Variants in MARCHF6 observed in about 807,000 individuals in gnomAD.
MARCHF6 encodes the protein E3 ubiquitin-protein ligase MARCHF6.
In MARCHF6, 31 loss-of-function variants were observed where a neutral mutation model predicts 133.7. The observed-to-expected ratio is 0.23, with a 90% CI of 0.17 to 0.31. The LOEUF (loss-of-function observed/expected upper bound fraction) is 0.31. Among genes scored for constraint, MARCHF6 ranks in the 10% least tolerant of loss-of-function variants. MARCHF6 has a pLI of 1.00. For synonymous variants in MARCHF6, 395 were observed against 402.5 expected (o/e 0.98, Z 0.22); for missense variants, 723 against 1,121.6 (o/e 0.64, Z 5.08).
At chr5:10,380,093 A>G (rs990495767) in intron 3 of MARCHF6, among the ~76,000 whole-genome samples, 1 of 152,048 alleles carries the variant, frequency 6.6e-6, no homozygotes, top group African/African-American at 2.4e-5. Flanking sequence ...TATTTGAAGC[A>G]TAATTTTTCA....
Position 10,429,910 on chromosome 5 carries a change from C to G in MARCHF6, c.2524C>G (p.Gln842Glu). Reference protein sequence around the residue: ...VPLLGVTAEMQNLVHRRIYPF... With the variant: ...VPLLGVTAEMENLVHRRIYPF... ...TTTTCTAGGTGTTACTGCGGAAATG[C>G]AAAACTTAGTCCATCGGCGGATTTA... The change falls in exon 25 of 26, where the codon CAA becomes GAA. Residue 842 changes from glutamine (Q) to glutamate (E), a missense_variant. Gln to Glu is a conservative substitution (Grantham distance 29). Transcript: ENST00000274140. The G allele has an allele frequency of 6.2e-7, 1 of 1,612,496 alleles. No homozygotes were observed.
At chr5:10,393,869 G>A (rs1738020176) in intron 7 of MARCHF6, among the ~76,000 whole-genome samples, 1 of 151,894 alleles carries the variant, frequency 6.6e-6, no homozygotes, top group African/African-American at 2.4e-5. Context: ...TCTCAATCTA[G>A]GATTACCTTA....
intron 1 of MARCHF6, among the ~76,000 whole-genome samples, chr5:10,363,625 C>T (rs1735954379): frequency 6.6e-6 from 1 of 152,018 alleles, no homozygotes; most frequent in Non-Finnish European, 1.5e-5. Flanking sequence ...TTCATATACC[C>T]AAGAGAATTC....
intron 22 of MARCHF6, among the ~76,000 whole-genome samples, chr5:10,418,698 A>G (rs1739666969): frequency 1.3e-5 from 2 of 152,180 alleles, no homozygotes; most frequent in African/African-American, 4.8e-5. Flanking sequence ...CACAAACTTC[A>G]TTTACCCGAA....
intron 7 of MARCHF6, 115 bp downstream of exon 7, chr5:10,391,846 C>A: frequency 9.2e-7 from 1 of 1,090,168 alleles, no homozygotes; most frequent in Non-Finnish European, 1.2e-6. Context: ...CTATTTCTAA[C>A]TTATTTTTAC....
intron 15 of MARCHF6, among the ~76,000 whole-genome samples, chr5:10,405,325 T>C (rs1216949548): frequency 6.6e-6 from 1 of 152,138 alleles, no homozygotes; most frequent in Non-Finnish European, 1.5e-5. Context: ...TGTTTTTTTT[T>C]TCCCCCGCCC....
Position 10,378,772 on chromosome 5 carries a change from C to G in MARCHF6, c.130C>G (p.Leu44Val). ...TTATAATTACAGCTTAGTTCAATGG[C>G]TGAAACACAGTCGAAAAGAATACTG... ...FIHQECLVQW[L>V]KHSRKEYCEL... Residue 44 changes from leucine to valine, a missense_variant, in exon 3 of 26, where the codon CTG (leucine) becomes GTG (valine). By Grantham distance (32) the Leu-to-Val change is conservative. Around this residue, in one of 4 missense-constraint regions of MARCHF6, gnomAD observed 91 missense variants for 208.8 expected, o/e 0.44. Transcript: ENST00000274140. 6.2e-7 allele frequency: 1 copy of G among 1,605,350 alleles called. No individual in the cohort carries two copies. The highest frequency in any genetic ancestry group is 8.5e-7 in the Non-Finnish European group (1 of 1,173,776).
chr5:10,379,652 G>A (rs1436253542), intron 3 of MARCHF6, among the ~76,000 whole-genome samples: 1 of 151,960 alleles, frequency 6.6e-6, no homozygotes, highest in Non-Finnish European at 1.5e-5. Flanking sequence ...TAGTAGAGAC[G>A]GGGTTTCACC....
At chr5:10,404,307 A>T (rs1738748804) in intron 15 of MARCHF6, among the ~76,000 whole-genome samples, 1 of 152,080 alleles carries the variant, frequency 6.6e-6, no homozygotes, top group Non-Finnish European at 1.5e-5. Context: ...ACCTCAAATG[A>T]TCCACCCACC....
intron 20 of MARCHF6, 136 bp downstream of exon 20, chr5:10,414,638 G>T: frequency 1.6e-6 from 1 of 643,708 alleles, no homozygotes; most frequent in Non-Finnish European, 2.7e-6. Context: ...GAACTACTGG[G>T]CTCAAGCAAT....
rs1226708451 is a variant in MARCHF6, at chr5:10,435,635, ATAAC to A, written c.*1954_*1957del. On this transcript the variant is annotated 3_prime_UTR_variant, in exon 26 of 26. Transcript: ENST00000274140. ...ATTGAGCATATAACTATATAACTATATAACTATATATATATATATATATATATAT... is the reference window on the plus strand; with the variant it reads ...ATTGAGCATATAACTATATAACTATATATATATATATATATATATATATAT... 7.8e-3 allele frequency: 8 copies of A among 1,028 alleles called. 1 individual carries two copies. In the East Asian group the frequency reaches 0.2, roughly 26 times the overall value. The allele number at this position is 1,028 out of a possible 1,614,324, so 0.1% of individuals were successfully genotyped here.
rs1737755047 is a variant in MARCHF6 at position 10,390,433 on chromosome 5, G to C, written c.509G>C (p.Gly170Ala). ...TGGTTGAGAGAGCAGATAGTCCATG[G>C]GGGAGCACCAATTTGGTTGGAGCAT... ...LVWLREQIVH[G>A]GAPIWLEHAA... Residue 170 changes from glycine to alanine, a missense_variant, in exon 6 of 26, where the codon GGG becomes GCG. Coordinates refer to ENST00000274140, the MANE Select transcript of MARCHF6 (RefSeq NM_005885.4). The C allele has an allele frequency of 1.9e-6, 3 of 1,613,782 alleles. No individual in the cohort carries two copies. The highest frequency in any genetic ancestry group is 2.5e-6 in the Non-Finnish European group (3 of 1,179,998).
In MARCHF6 at chr5:10,368,448, C is replaced by T. The variant is rs535029162; in HGVS notation, c.20-9350C>T. Among the ~76,000 whole-genome samples the T allele has an allele frequency of 5.9e-5, 9 of 152,136 alleles. No homozygotes were observed. The South Asian group carries it at 6.2e-4, about 11-fold the overall frequency. ...AGGAGTTTGAGACCAGACTGGGCAA[C>T]GTGGTGATAGAGAGACCCTGCCTCT... On this transcript the variant is annotated intron_variant, in intron 1 of 25. Coordinates refer to ENST00000274140, the MANE Select transcript of MARCHF6 (RefSeq NM_005885.4).
rs910435212 is a variant in MARCHF6, at chr5:10,434,728, G to A, written c.*1044G>A. 24 of 152,560 alleles carry A rather than the reference G, an allele frequency of 1.6e-4. No homozygotes were observed. Among genetic ancestry groups the A allele is most frequent in the African/African-American group, 4.8e-4 (20 of 41,410 alleles). 9.5% of individuals were successfully genotyped at this position (152,560 alleles called of 1,614,324 possible). ...ATCTGGTCTCGCTGGTTAGTGCCTCGTTGGCTGAGGACTAGGTGTGCATTT... is the reference window on the plus strand; with the variant it reads ...ATCTGGTCTCGCTGGTTAGTGCCTCATTGGCTGAGGACTAGGTGTGCATTT... On this transcript the variant is annotated 3_prime_UTR_variant, in exon 26 of 26. Coordinates refer to ENST00000274140, the MANE Select transcript of MARCHF6 (RefSeq NM_005885.4).
intron 5 of MARCHF6, 29 bp downstream of exon 5, chr5:10,387,095 T>C: frequency 6.5e-7 from 1 of 1,538,464 alleles, no homozygotes; most frequent in Non-Finnish European, 9.0e-7. Flanking sequence ...TGACGAATGT[T>C]GCATGATGTA....
rs545322478 is a variant in MARCHF6, at chr5:10,371,176, G to C, written c.20-6622G>C. 3.2e-4 allele frequency among the ~76,000 whole-genome samples: 49 copies of C among 152,270 alleles called. 1 individual carries two copies. The South Asian group carries it at 9.9e-3, about 31-fold the overall frequency. On this transcript the variant is annotated intron_variant, in intron 1 of 25. Transcript: ENST00000274140. ...AGTGTGACAGTTCAGTGATACCCTA[G>C]ATCTCTTGTATACTGCCTTCTCCTT...
At chr5:10,402,507 A>G (rs2126764214) in intron 13 of MARCHF6, 26 bp from the exon 14 acceptor site, 1 of 1,612,246 alleles carries the variant, frequency 6.2e-7, no homozygotes, top group Non-Finnish European at 8.5e-7. Flanking sequence ...TTTGGGTGAT[A>G]CTGATGACCT....
At chr5:10,398,552 A>G (rs774007717) in intron 10 of MARCHF6, among the ~76,000 whole-genome samples, 2 of 151,288 alleles carry the variant, frequency 1.3e-5, no homozygotes, top group Non-Finnish European at 1.5e-5. Flanking sequence ...AATAATTCAT[A>G]TATAGACTGT....
chr5:10,410,373 A>G, intron 18 of MARCHF6, 97 bp downstream of exon 18: 1 of 1,374,110 alleles, frequency 7.3e-7, no homozygotes, highest in Non-Finnish European at 9.7e-7. Context: ...ACTCAAGAAA[A>G]ATTAGTTTTA....
Sources: allele counts gnomAD v4.1 joint callset (sites outside exome capture counted in the v4.1 genomes callset), GRCh38; gene constraint gnomAD v4.1.1; regional missense constraint gnomAD v4.1.1; transcripts MANE v1.5; gene names NCBI Gene and HGNC (gene_info 2026-07-23, HGNC 2026-07-21).